Variants in BNC1 observed in about 807,000 individuals in gnomAD.
BNC1 encodes the protein basonuclin zinc finger protein 1.
In BNC1, 8 loss-of-function variants were observed where a neutral mutation model predicts 66.5. The observed-to-expected ratio is 0.12, with a 90% CI of 0.07 to 0.22. BNC1 has a LOEUF of 0.22. Ranked by LOEUF, BNC1 falls within the 10% of genes least tolerant of loss-of-function variation. The pLI is 1.00. For synonymous variants in BNC1, 454 were observed against 452.6 expected, an observed-to-expected ratio of 1.00 and a Z score of -0.04; for missense variants, 1,069 against 1,241.3, an observed-to-expected ratio of 0.86 and a Z score of 2.09.
chr15:83,282,083 G>A (rs780436463), intron 1 of BNC1, among the ~76,000 whole-genome samples: 22 of 152,228 alleles, frequency 1.4e-4, no homozygotes, highest in Non-Finnish European at 2.8e-4. Context: ...CTTTCTGAAG[G>A]AGGAGAATGT....
intron 1 of BNC1, chr15:83,283,068 C>A (rs114350862): frequency 3.3e-6 from 5 of 1,498,056 alleles, no homozygotes; most frequent in Non-Finnish European, 1.8e-6. Context: ...GTCTGATGCC[C>A]CCCGCCCCCC....
intron 4 of BNC1, among the ~76,000 whole-genome samples, 181 bp downstream of exon 4, chr15:83,262,767 TCAG>T (rs1351450482): frequency 1.3e-5 from 2 of 152,192 alleles, no homozygotes; most frequent in African/African-American, 2.4e-5. Flanking sequence ...AATAGTAACA[TCAG>T]CATCATCTGG....
In BNC1 at chr15:83,263,893, G is replaced by A. The variant is rs748702632; in HGVS notation, c.1358C>T (p.Pro453Leu). 8 of 1,614,206 alleles carry A rather than the reference G, an allele frequency of 5.0e-6. No homozygotes were observed. Among genetic ancestry groups the A allele is most frequent in the Non-Finnish European group, 6.8e-6 (8 of 1,180,032 alleles). The change falls in exon 4 of 5, where the codon CCT becomes CTT. Residue 453 changes from proline (P) to leucine (L), a missense_variant. By Grantham distance (98) the Pro-to-Leu change is moderately conservative (BLOSUM62 -3). Transcript: ENST00000345382. ...FTVTSPDCRP[P>L]PSYPGSGEDS... ...CTCTCCTGAACCAGGGTAGCTGGGA[G>A]GAGGCCTACAGTCTGGGGACGTCAC...
chr15:83,258,018 T>C lies in BNC1; in HGVS notation c.2409A>G (p.Glu803=). ...AAYLLKDVAK[E]AYQDVAFTQQ... ...GTGTAAAAGCCACATCCTGATAGGC[T>C]TCCTTAGCCACATCTTTCAGAAGGT... Residue 803 remains glutamate, a synonymous_variant, in exon 5 of 5, where the codon GAA becomes GAG. Coordinates refer to ENST00000345382, the MANE Select transcript of BNC1 (RefSeq NM_001717.4). The C allele has an allele frequency of 6.2e-7, 1 of 1,614,084 alleles. No individual in the cohort carries two copies. The highest frequency in any genetic ancestry group is 8.5e-7 in the Non-Finnish European group (1 of 1,179,938).
rs151306704 is a variant in BNC1 at position 83,263,082 on chromosome 15, G to A, written c.2169C>T (p.Asp723=). ...CATTTTTAAAGGTCTTCTTGCAGAT[G>A]TCACACTGGAAGCGATTTTCTTCTA... The part of the protein sequence containing the change: ...RQIEENRFQC[D]ICKKTFKNAC... The change falls in exon 4 of 5, where the codon GAC becomes GAT. Residue 723 remains aspartate (D), a synonymous_variant. Transcript: ENST00000345382. 3 of 1,614,108 alleles carry A rather than the reference G, an allele frequency of 1.9e-6. No homozygotes were observed. The highest frequency in any genetic ancestry group is 3.3e-5 in the Admixed American group (2 of 60,014).
At chr15:83,282,897 G>C (rs1005329079) in intron 1 of BNC1, among the ~76,000 whole-genome samples, 1 of 152,160 alleles carries the variant, frequency 6.6e-6, no homozygotes, top group Admixed American at 6.5e-5. Flanking sequence ...CCCTGACAGG[G>C]ATTCCCAGGA....
At chr15:83,272,647 T>C (rs1253381057) in intron 1 of BNC1, among the ~76,000 whole-genome samples, 2 of 152,202 alleles carry the variant, frequency 1.3e-5, no homozygotes, top group Non-Finnish European at 2.9e-5. Context: ...CTTAAGCACA[T>C]GCTTCCTGAA....
At position 83,264,346 on chromosome 15, in the gene BNC1, T is replaced by C. The variant is rs924719151; in HGVS notation, c.905A>G (p.Asp302Gly). ...SSSTPFQVEK[D>G]QCLNCPDAIT... ...AGCATCCGGACAGTTTAAACACTGATCTTTTTCAACCTGAAATGGTGTGGA... is the reference window on the plus strand; with the variant it reads ...AGCATCCGGACAGTTTAAACACTGACCTTTTTCAACCTGAAATGGTGTGGA... The change falls in exon 4 of 5, where the codon GAT becomes GGT. Residue 302 changes from aspartate to glycine, a missense_variant. By Grantham distance (94) the Asp-to-Gly change is moderately conservative. This residue lies in a region of BNC1 where 181 missense variants were observed against 181.5 expected (regional missense o/e 1.00). Transcript: ENST00000345382. 4.3e-6 allele frequency: 7 copies of C among 1,614,200 alleles called. No individual in the cohort carries two copies. Among genetic ancestry groups the C allele is most frequent in the South Asian group, 2.2e-5 (2 of 91,084 alleles).
rs2038166004 is a variant in BNC1 at position 83,263,249 on chromosome 15, A to C, written c.2002T>G (p.Phe668Val). Reference protein sequence around the residue: ...FTPGMEPQVPFSDYMELQQRL... With the variant: ...FTPGMEPQVPVSDYMELQQRL... The stretch of plus-strand genomic sequence containing the variant: ...TGCTGCAGTTCCATGTAGTCAGAAA[A>C]AGGAACTTGGGGTTCCATCCCAGGT... Residue 668 changes from phenylalanine to valine, a missense_variant, in exon 4 of 5, where the codon TTT (phenylalanine) becomes GTT (valine). Coordinates refer to ENST00000345382, the MANE Select transcript of BNC1 (RefSeq NM_001717.4). 1.9e-6 allele frequency: 3 copies of C among 1,614,200 alleles called. No individual in the cohort carries two copies. Among genetic ancestry groups the C allele is most frequent in the Admixed American group, 1.7e-5 (1 of 60,026 alleles).
At chr15:83,262,859 C>G (rs556060167) in intron 4 of BNC1, 92 bp downstream of exon 4, 1 of 1,321,376 alleles carries the variant, frequency 7.6e-7, no homozygotes, top group African/African-American at 1.5e-5. Context: ...GCTCAGAAGT[C>G]TGTGTTTTAA....
intron 4 of BNC1, among the ~76,000 whole-genome samples, chr15:83,259,301 A>G (rs1719799616): frequency 6.6e-6 from 1 of 152,242 alleles, no homozygotes. Context: ...TATTCCAAAT[A>G]GAGAAAACAC....
intron 1 of BNC1, chr15:83,283,169 C>G (rs2038399636): frequency 6.5e-7 from 1 of 1,535,546 alleles, no homozygotes; most frequent in African/African-American, 1.4e-5. Context: ...CCCGCAGCCA[C>G]AAAGAGATGC....
At position 83,257,779 on chromosome 15, in the gene BNC1, C is replaced by T. The variant is rs138195790; in HGVS notation, c.2648G>A (p.Gly883Asp). ...ATCACTGTCCTCCATAAGCACAGTG[C>T]CTTCCTCACTCACCCCGTCAGAGTC... ...SWDSDGVSEE[G>D]TVLMEDSDGN... is the part of the protein sequence containing the mutation. Residue 883 changes from glycine (G) to aspartate (D), a missense_variant, in exon 5 of 5, where the codon GGC (glycine) becomes GAC (aspartate). Coordinates refer to ENST00000345382, the MANE Select transcript of BNC1 (RefSeq NM_001717.4). 2.5e-6 allele frequency: 4 copies of T among 1,614,022 alleles called. No individual in the cohort carries two copies. The highest frequency in any genetic ancestry group is 3.4e-6 in the Non-Finnish European group (4 of 1,180,036).
chr15:83,283,065 G>T, intron 1 of BNC1: 1 of 1,484,424 alleles, frequency 6.7e-7, no homozygotes, highest in Non-Finnish European at 9.1e-7. Flanking sequence ...AGCGTCTGAT[G>T]CCCCCCGCCC....
At chr15:83,282,125 A>AT (rs1345399127) in intron 1 of BNC1, among the ~76,000 whole-genome samples, 5 of 152,238 alleles carry the variant, frequency 3.3e-5, no homozygotes, top group Non-Finnish European at 7.3e-5. Flanking sequence ...AAGGGACACT[A>AT]TAGGTACAGA....
At position 83,262,503 on chromosome 15, in the gene BNC1, T is replaced by C. The variant is rs549293591; in HGVS notation, c.2300+448A>G. Among the ~76,000 whole-genome samples, 201 of 152,214 alleles carry C rather than the reference T, an allele frequency of 1.3e-3. 1 individual carries two copies. Among genetic ancestry groups the C allele is most frequent in the Non-Finnish European group, 2.5e-3 (173 of 68,036 alleles). ...TTACTATTTGTACTATATATGTATT[T>C]ATAAATCCACACAAAAGGAGATTAA... On this transcript the variant is annotated intron_variant, in intron 4 of 4. Coordinates refer to ENST00000345382, the MANE Select transcript of BNC1 (RefSeq NM_001717.4).
intron 1 of BNC1, among the ~76,000 whole-genome samples, chr15:83,274,429 C>A (rs2038298956): frequency 1.3e-5 from 2 of 152,108 alleles, no homozygotes; most frequent in Admixed American, 6.5e-5. Context: ...CCCTTGGTCA[C>A]ACTAGCCACA....
rs2038075722 is a variant in BNC1, at chr15:83,256,511, C to T, written c.*931G>A. On this transcript the variant is annotated 3_prime_UTR_variant, in exon 5 of 5. Transcript: ENST00000345382. ...AAATACACAACAACCATCAGAACCACATTATCTACGGCAGAATATGTACAA... is the reference window on the plus strand; with the variant it reads ...AAATACACAACAACCATCAGAACCATATTATCTACGGCAGAATATGTACAA... 1 of 152,556 alleles carries T rather than the reference C, an allele frequency of 6.6e-6. No individual in the cohort carries two copies. The highest frequency in any genetic ancestry group is 2.4e-5 in the African/African-American group (1 of 41,450). 9.5% of individuals were successfully genotyped at this position (152,556 alleles called of 1,614,324 possible).
chr15:83,259,397 C>A (rs2038117961), intron 4 of BNC1, among the ~76,000 whole-genome samples: 1 of 152,172 alleles, frequency 6.6e-6, no homozygotes, highest in Admixed American at 6.5e-5. Context: ...CTTTTTAAAT[C>A]CCCAAAGACG....
Sources: allele counts gnomAD v4.1 joint callset (sites outside exome capture counted in the v4.1 genomes callset), GRCh38; gene constraint gnomAD v4.1.1; regional missense constraint gnomAD v4.1.1; transcripts MANE v1.5; gene names NCBI Gene and HGNC (gene_info 2026-07-23, HGNC 2026-07-21).